SOCS4: variants seen among roughly 807,000 people sequenced by gnomAD.
SOCS4 encodes SH2 domain containing SOCS box protein.
Under a neutral mutation model 34.1 loss-of-function variants are expected in SOCS4, and 20 were observed. The ratio of observed to expected loss-of-function variants is 0.59; its 90% CI spans 0.41 to 0.85. The LOEUF (loss-of-function observed/expected upper bound fraction) is 0.85, where lower values mean the gene tolerates loss of function less well. Among genes scored for constraint, SOCS4 ranks in the 40% least tolerant of loss-of-function variants. SOCS4 has a pLI of 0.00. For missense variants in SOCS4, 479 were observed against 532.4 expected, an observed-to-expected ratio of 0.90 and a Z score of 0.99; for synonymous variants, 180 against 186.4, an observed-to-expected ratio of 0.97 and a Z score of 0.28.
chr14:55,041,958 A>AT (rs2042623866), intron 2 of SOCS4, among the ~76,000 whole-genome samples: 1 of 150,796 alleles, frequency 6.6e-6, no homozygotes, highest in Non-Finnish European at 1.5e-5. Flanking sequence ...CACCTGGCTA[A>AT]TTTTTTGTAT....
At position 55,044,072 on chromosome 14, in the gene SOCS4, T is replaced by C. The variant is rs140153508; in HGVS notation, c.1031T>C (p.Phe344Ser). ...GAACAGTGGAATCACAACTTTAGCT[T>C]TGATGCACATGACCCCTGTGTCTTC... ...RIEQWNHNFS[F>S]DAHDPCVFHS... The change falls in exon 3 of 3, where the codon TTT becomes TCT. Residue 344 changes from phenylalanine to serine, a missense_variant. Transcript: ENST00000555846. 7.4e-6 allele frequency: 12 copies of C among 1,614,038 alleles called. No homozygotes were observed. Among genetic ancestry groups the C allele is most frequent in the Admixed American group, 1.7e-5 (1 of 60,002 alleles).
In SOCS4 at chr14:55,040,308, C is replaced by T. The variant is rs924626037; in HGVS notation, c.-90-2644C>T. ...ATCCAAGGGAGATTGGTTCTAGGACCTCTGCAGATACCAAAGTCCATGGAT... is the reference window on the plus strand; with the variant it reads ...ATCCAAGGGAGATTGGTTCTAGGACTTCTGCAGATACCAAAGTCCATGGAT... On this transcript the variant is annotated intron_variant, in intron 2 of 2. Transcript: ENST00000555846. Among the ~76,000 whole-genome samples, 5 of 152,302 alleles carry T rather than the reference C, an allele frequency of 3.3e-5. No homozygotes were observed. In the East Asian group the frequency reaches 9.6e-4, roughly 29 times the overall value.
In SOCS4 at chr14:55,043,703, A is replaced by C. The variant is rs200185377; in HGVS notation, c.662A>C (p.Asn221Thr). The C allele has an allele frequency of 1.2e-4, 187 of 1,614,180 alleles. No homozygotes were observed. The highest frequency in any genetic ancestry group is 1.4e-4 in the Non-Finnish European group (170 of 1,180,016). Residue 221 changes from asparagine (N) to threonine (T), a missense_variant, in exon 3 of 3, where the codon AAC becomes ACC. By Grantham distance (65) the Asn-to-Thr change is moderately conservative (BLOSUM62 0). Transcript: ENST00000555846. ...TGSVMNLVSN[N>T]SIEDSDMDSD... ...TCTGTGATGAACCTGGTTTCAAATA[A>C]CAGTATAGAAGATAGTGATATGGAT...
chr14:55,034,859 G>GTTT (rs755547542), intron 2 of SOCS4, among the ~76,000 whole-genome samples: 2 of 131,762 alleles, frequency 1.5e-5, no homozygotes, highest in Non-Finnish European at 1.6e-5. Context: ...CTCTCTCTCT[G>GTTT]TTTTTTTTTT....
intron 1 of SOCS4, among the ~76,000 whole-genome samples, chr14:55,031,345 C>T (rs1396887981): frequency 6.6e-6 from 1 of 152,114 alleles, no homozygotes; most frequent in Non-Finnish European, 1.5e-5. Flanking sequence ...ACAGATTAGC[C>T]CATTAATGTT....
At position 55,043,302 on chromosome 14, in the gene SOCS4, A is replaced by T; in HGVS notation, c.261A>T (p.Leu87Phe). The T allele has an allele frequency of 6.2e-7, 1 of 1,614,236 alleles. No homozygotes were observed. The highest frequency in any genetic ancestry group is 8.5e-7 in the Non-Finnish European group (1 of 1,180,024). ...DLDHSCGHRFLGRSLKQKLQD... is the reference protein window; with the variant it reads ...DLDHSCGHRFFGRSLKQKLQD... Reference sequence around the variant, plus strand: ...ATCATTCCTGTGGGCATCGATTTTTAGGCCGATCTCTTAAACAGAAACTGC... The same window carrying T: ...ATCATTCCTGTGGGCATCGATTTTTTGGCCGATCTCTTAAACAGAAACTGC... Residue 87 changes from leucine to phenylalanine, a missense_variant, in exon 3 of 3, where the codon TTA becomes TTT. By Grantham distance (22) the Leu-to-Phe change is conservative. Transcript: ENST00000555846.
intron 1 of SOCS4, among the ~76,000 whole-genome samples, chr14:55,028,104 C>A (rs554758001): frequency 6.6e-6 from 1 of 152,226 alleles, no homozygotes; most frequent in African/African-American, 2.4e-5. Context: ...CAGTATCAAT[C>A]ACATTTATTT....
At chr14:55,040,801 T>C (rs1289086891) in intron 2 of SOCS4, among the ~76,000 whole-genome samples, 2 of 152,072 alleles carry the variant, frequency 1.3e-5, no homozygotes, top group African/African-American at 2.4e-5. Flanking sequence ...GATTTTTTCC[T>C]TGAATATTTT....
In SOCS4 at chr14:55,043,193, C is replaced by A. The variant is rs776982458; in HGVS notation, c.152C>A (p.Thr51Lys). Residue 51 changes from threonine (T) to lysine (K), a missense_variant, in exon 3 of 3, where the codon ACA becomes AAA. Physicochemically the swap from Thr to Lys is moderately conservative, Grantham distance 78. Transcript: ENST00000555846. ...AGTGAGAGTTATTCAGATGCTGAGA[C>A]AGTGAATGGTATAGAGAAAACCGAA... is the stretch of plus-strand genomic sequence containing the variant. ...KKSESYSDAE[T>K]VNGIEKTEVS... is the part of the protein sequence containing the mutation. The A allele has an allele frequency of 6.8e-6, 11 of 1,614,190 alleles. No homozygotes were observed. The East Asian group carries it at 2.5e-4, about 36-fold the overall frequency.
Position 55,048,058 on chromosome 14 carries a change from T to A in SOCS4, c.*3694T>A, listed in dbSNP as rs1166836406. 6.1e-6 allele frequency: 1 copy of A among 162,636 alleles called. No individual in the cohort carries two copies. Among genetic ancestry groups the A allele is most frequent in the African/African-American group, 2.4e-5 (1 of 41,476 alleles). The allele number at this position is 162,636 out of a possible 1,614,324, so 10.1% of individuals were successfully genotyped here. A position where few individuals can be genotyped will look rare whatever the true frequency, so the allele number is the denominator to read the frequency against. On this transcript the variant is annotated 3_prime_UTR_variant, in exon 3 of 3. Coordinates refer to ENST00000555846, the MANE Select transcript of SOCS4 (RefSeq NM_199421.2). The stretch of plus-strand genomic sequence containing the variant: ...TACCTCAGCTCCCAAGTAGCTGAGA[T>A]GACAGGCGTGTGCCACCACGCCCAG...
Position 55,043,446 on chromosome 14 carries a change from A to G in SOCS4, c.405A>G (p.Pro135=), listed in dbSNP as rs1378045169. ...SELMLDKCPF[P]PRSDLAFRWH... ...TCATGTTAGATAAGTGTCCTTTCCC[A>G]CCTCGATCAGATTTAGCCTTTAGGT... The change falls in exon 3 of 3, where the codon CCA becomes CCG. Residue 135 remains proline (P), a synonymous_variant. Transcript: ENST00000555846. 1.2e-6 allele frequency: 2 copies of G among 1,614,166 alleles called. No individual in the cohort carries two copies. The highest frequency in any genetic ancestry group is 1.7e-6 in the Non-Finnish European group (2 of 1,180,046).
chr14:55,041,586 C>A (rs927700290), intron 2 of SOCS4, among the ~76,000 whole-genome samples: 15 of 151,046 alleles, frequency 9.9e-5, no homozygotes, highest in Admixed American at 9.9e-4. Context: ...TCAAGCAGTT[C>A]TCCTCAGCCT....
In SOCS4 at chr14:55,043,897, T is replaced by C; in HGVS notation, c.856T>C (p.Cys286Arg). The change falls in exon 3 of 3, where the codon TGT (cysteine) becomes CGT (arginine). Residue 286 changes from cysteine to arginine, a missense_variant. Coordinates refer to ENST00000555846, the MANE Select transcript of SOCS4 (RefSeq NM_199421.2). ...PDLLQINNNP[C>R]YWGVMDKYAA... ...CCTCCTTCAGATCAATAACAACCCATGTTACTGGGGAGTGATGGATAAATA... is the reference window on the plus strand; with the variant it reads ...CCTCCTTCAGATCAATAACAACCCACGTTACTGGGGAGTGATGGATAAATA... 6.2e-7 allele frequency: 1 copy of C among 1,614,130 alleles called. No individual in the cohort carries two copies. Among genetic ancestry groups the C allele is most frequent in the Non-Finnish European group, 8.5e-7 (1 of 1,180,010 alleles).
chr14:55,034,947 G>A (rs1456147931), intron 2 of SOCS4, among the ~76,000 whole-genome samples: 14 of 147,230 alleles, frequency 9.5e-5, no homozygotes, highest in Non-Finnish European at 1.5e-4. Flanking sequence ...TGCAACCGCC[G>A]CCTCCCAGGT....
At position 55,042,951 on chromosome 14, in the gene SOCS4, G is replaced by T; in HGVS notation, c.-90-1G>T. The T allele has an allele frequency of 1.7e-6, 2 of 1,201,994 alleles. No individual in the cohort carries two copies. The highest frequency in any genetic ancestry group is 2.3e-6 in the Non-Finnish European group (2 of 862,164). The allele number at this position is 1,201,994 out of a possible 1,614,324, so 74.5% of individuals were successfully genotyped here. ...TAATGACTTTTTTTTGTTTTCTTTA[G>T]ATACATCCAGAAAGTGCCCAGAAGA... On this transcript the variant is annotated splice_acceptor_variant, in intron 2 of 2. Transcript: ENST00000555846. LOFTEE classifies it low-confidence loss of function (5UTR_SPLICE).
At position 55,043,772 on chromosome 14, in the gene SOCS4, G is replaced by GA; in HGVS notation, c.734dup (p.Asn245LysfsTer9). The GA allele has an allele frequency of 6.2e-7, 1 of 1,614,052 alleles. No homozygotes were observed. Among genetic ancestry groups the GA allele is most frequent in the Non-Finnish European group, 8.5e-7 (1 of 1,180,008 alleles). Reference sequence around the variant, plus strand: ...ACACTTTGCACAAGTTCCAGAAAAAGAAACAAACCCAAATGGGATTTGGAT... The same window carrying GA: ...ACACTTTGCACAAGTTCCAGAAAAAGAAAACAAACCCAAATGGGATTTGGAT... On this transcript the variant is annotated frameshift_variant, in exon 3 of 3. Transcript: ENST00000555846. LOFTEE classifies it high-confidence loss of function.
chr14:55,031,560 T>G (rs2042529165), intron 1 of SOCS4, among the ~76,000 whole-genome samples: 1 of 152,184 alleles, frequency 6.6e-6, no homozygotes. Context: ...TCAGAACTAG[T>G]GTCCACAAGA....
In SOCS4 at chr14:55,049,389, A is replaced by C. The variant is rs1347229938; in HGVS notation, c.*5025A>C. On this transcript the variant is annotated 3_prime_UTR_variant, in exon 3 of 3. Coordinates refer to ENST00000555846, the MANE Select transcript of SOCS4 (RefSeq NM_199421.2). ...TAGACAATTGCCACTTTTATTTCTA[A>C]TCCTTAAGTTGAATGTTTCTTCTTG... 1 of 167,058 alleles carries C rather than the reference A, an allele frequency of 6.0e-6. No homozygotes were observed. Among genetic ancestry groups the C allele is most frequent in the Non-Finnish European group, 1.5e-5 (1 of 68,100 alleles). 10.3% of individuals were successfully genotyped at this position (167,058 alleles called of 1,614,324 possible).
In SOCS4 at chr14:55,048,479, A is replaced by C. The variant is rs191951099; in HGVS notation, c.*4115A>C. 1 of 167,072 alleles carries C rather than the reference A, an allele frequency of 6.0e-6. No homozygotes were observed. Among genetic ancestry groups the C allele is most frequent in the Non-Finnish European group, 1.5e-5 (1 of 68,102 alleles). 10.3% of individuals were successfully genotyped at this position (167,072 alleles called of 1,614,324 possible). Reference sequence around the variant, plus strand: ...CAAACTACTGTTTCTACTTTGGGGGAAAAAAGTCAGTTTTACATTTGTAAT... The same window carrying C: ...CAAACTACTGTTTCTACTTTGGGGGCAAAAAGTCAGTTTTACATTTGTAAT... On this transcript the variant is annotated 3_prime_UTR_variant, in exon 3 of 3. Transcript: ENST00000555846.
Sources: allele counts gnomAD v4.1 joint callset (sites outside exome capture counted in the v4.1 genomes callset), GRCh38; gene constraint gnomAD v4.1.1; transcripts MANE v1.5; gene names NCBI Gene and HGNC (gene_info 2026-07-23, HGNC 2026-07-21).